Variants in STAT5B observed in about 807,000 individuals in gnomAD.
The protein encoded by STAT5B is signal transducer and activator of transcription 5B.
In STAT5B, 21 loss-of-function variants were observed where a neutral mutation model predicts 107.8. The observed-to-expected ratio is 0.19, with a 90% CI of 0.14 to 0.28. The LOEUF (loss-of-function observed/expected upper bound fraction) is 0.28. Among genes scored for constraint, STAT5B ranks in the 10% least tolerant of loss-of-function variants. The probability of loss-of-function intolerance (pLI) is 1.00; values close to 1 mark genes in which losing one functional copy is unlikely to be tolerated. For missense variants in STAT5B, 565 were observed against 1,008.2 expected (o/e 0.56, Z 5.95); for synonymous variants, 325 against 401.7 (o/e 0.81, Z 2.28).
chr17:42,203,027 C>T, intron 16 of STAT5B: 1 of 601,222 alleles, frequency 1.7e-6, no homozygotes, highest in Non-Finnish European at 3.0e-6. Flanking sequence ...ACTGCAGCCT[C>T]CGCCTCCCAG....
intron 1 of STAT5B, among the ~76,000 whole-genome samples, chr17:42,265,146 C>A (rs958166985): frequency 2.0e-5 from 3 of 147,888 alleles, no homozygotes; most frequent in Non-Finnish European, 4.5e-5. Flanking sequence ...AATTTTCTCC[C>A]ATTTTGTAGG....
intron 16 of STAT5B, among the ~76,000 whole-genome samples, chr17:42,203,675 G>A (rs987947963): frequency 3.3e-5 from 5 of 151,986 alleles, no homozygotes; most frequent in Non-Finnish European, 7.4e-5. Flanking sequence ...TGCCCACACT[G>A]GAGTGCAGTG....
At chr17:42,210,129 G>C in intron 15 of STAT5B, 42 bp downstream of exon 15, 1 of 1,613,914 alleles carries the variant, frequency 6.2e-7, no homozygotes, top group Non-Finnish European at 8.5e-7. Context: ...ATTTTGTAAC[G>C]AAAGCAGCTA....
At chr17:42,216,553 G>C (rs2080173925) in intron 11 of STAT5B, among the ~76,000 whole-genome samples, 1 of 151,716 alleles carries the variant, frequency 6.6e-6, no homozygotes, top group East Asian at 1.9e-4. Flanking sequence ...TTAATTTGTT[G>C]TTGTTGTTGA....
intron 1 of STAT5B, among the ~76,000 whole-genome samples, chr17:42,253,467 C>G (rs145080764): frequency 5.3e-5 from 8 of 152,240 alleles, no homozygotes; most frequent in Admixed American, 3.9e-4. Context: ...CTATTTGTGA[C>G]TAGTAAACTT....
chr17:42,202,512 G>A, intron 17 of STAT5B, 65 bp from the exon 18 acceptor site: 1 of 1,562,596 alleles, frequency 6.4e-7, no homozygotes, highest in Non-Finnish European at 8.8e-7. Flanking sequence ...TTGGGGAGGG[G>A]ACCAAGGGGT....
rs1340562786 is a variant in STAT5B, at chr17:42,223,471, A to C, written c.461T>G (p.Val154Gly). The C allele has an allele frequency of 1.9e-6, 3 of 1,613,966 alleles. No individual in the cohort carries two copies. The highest frequency in any genetic ancestry group is 2.5e-6 in the Non-Finnish European group (3 of 1,180,028). Residue 154 changes from valine (V) to glycine (G), a missense_variant, in exon 5 of 19, where the codon GTC becomes GGC. Coordinates refer to ENST00000293328, the MANE Select transcript of STAT5B (RefSeq NM_012448.4). ...TAACTCATTCTCTGTGTCCTGCGTGACCAGTCGCAGCTCCTCAAACGTCTG... is the reference window on the plus strand; with the variant it reads ...TAACTCATTCTCTGTGTCCTGCGTGCCCAGTCGCAGCTCCTCAAACGTCTG... The part of the protein sequence containing the change: ...INQTFEELRL[V>G]TQDTENELKK...
chr17:42,287,198 C>CT, the STAT5B span, among the ~76,000 whole-genome samples: 7,348 of 144,128 alleles, frequency 0.051, 582 homozygotes, highest in African/African-American at 0.17. Flanking sequence ...CTTTGAAGTT[C>CT]TTTTTTTTTT....
intron 8 of STAT5B, 145 bp from the exon 9 acceptor site, chr17:42,218,475 C>T (rs2080193492): frequency 7.7e-6 from 11 of 1,420,524 alleles, no homozygotes; most frequent in East Asian, 2.3e-5. Flanking sequence ...CTGGGGAAGC[C>T]GTGAGAGTCC....
At chr17:42,225,212 G>C (rs1177402145) in intron 3 of STAT5B, among the ~76,000 whole-genome samples, 2 of 151,960 alleles carry the variant, frequency 1.3e-5, no homozygotes, top group East Asian at 3.9e-4. Context: ...CCGCCACCAC[G>C]CCTGGCTAAT....
At chr17:42,209,925 A>G (rs1225307764) in intron 15 of STAT5B, among the ~76,000 whole-genome samples, 1 of 152,240 alleles carries the variant, frequency 6.6e-6, no homozygotes, top group Non-Finnish European at 1.5e-5. Context: ...TAGCCATGTC[A>G]TGGTTAAATG....
intron 15 of STAT5B, among the ~76,000 whole-genome samples, chr17:42,208,347 A>C (rs2144212985): frequency 6.6e-6 from 1 of 152,000 alleles, no homozygotes; most frequent in Middle Eastern, 3.4e-3. Flanking sequence ...TAAAAATACA[A>C]AAATCAGCCA....
intron 16 of STAT5B, among the ~76,000 whole-genome samples, chr17:42,205,192 T>C (rs543977610): frequency 1.9e-4 from 29 of 152,028 alleles, no homozygotes; most frequent in African/African-American, 7.0e-4. Context: ...CATGCCCGGC[T>C]AATTTTTGTA....
chr17:42,278,041 C>T (rs1364402147), upstream of STAT5B, among the ~76,000 whole-genome samples: 1 of 152,180 alleles, frequency 6.6e-6, no homozygotes, highest in African/African-American at 2.4e-5. Context: ...CAGGCATCAG[C>T]CACCGCACCT....
At chr17:42,246,338 TA>T (rs2080451369) in intron 1 of STAT5B, among the ~76,000 whole-genome samples, 2 of 152,198 alleles carry the variant, frequency 1.3e-5, no homozygotes, top group African/African-American at 2.4e-5. Flanking sequence ...TTCAGAATTA[TA>T]AAAAAATTTT....
chr17:42,246,479 CTGTT>C (rs1160181777), intron 1 of STAT5B, among the ~76,000 whole-genome samples: 1 of 151,986 alleles, frequency 6.6e-6, no homozygotes, highest in Non-Finnish European at 1.5e-5. Flanking sequence ...TGATTTAAGA[CTGTT>C]AATAGCAGAT....
chr17:42,218,525 T>C (rs532187463), intron 8 of STAT5B, among the ~76,000 whole-genome samples, 195 bp from the exon 9 acceptor site: 1 of 151,986 alleles, frequency 6.6e-6, no homozygotes, highest in South Asian at 2.1e-4. Flanking sequence ...ACACAGAAGC[T>C]GGCATGGGCT....
rs535897900 is a variant in STAT5B at position 42,240,562 on chromosome 17, A to G, written c.-10-8425T>C. On this transcript the variant is annotated intron_variant, in intron 1 of 18. Transcript: ENST00000293328. Reference sequence around the variant, plus strand: ...GATGATGAAAATGTTCCGGAATTAGATAGTGGTGATAATTGTATAACTCTG... The same window carrying G: ...GATGATGAAAATGTTCCGGAATTAGGTAGTGGTGATAATTGTATAACTCTG... Among the ~76,000 whole-genome samples, 16 of 152,280 alleles carry G rather than the reference A, an allele frequency of 1.1e-4. No individual in the cohort carries two copies. The South Asian group carries it at 2.9e-3, about 28-fold the overall frequency.
At chr17:42,222,013 T>C (rs1377969268) in intron 5 of STAT5B, among the ~76,000 whole-genome samples, 4 of 137,786 alleles carry the variant, frequency 2.9e-5, no homozygotes, top group Admixed American at 7.2e-5. Context: ...GTGTGCTGTG[T>C]GTGGTGTGGT....
Sources: allele counts gnomAD v4.1 joint callset (sites outside exome capture counted in the v4.1 genomes callset), GRCh38; gene constraint gnomAD v4.1.1; transcripts MANE v1.5; gene names NCBI Gene and HGNC (gene_info 2026-07-23, HGNC 2026-07-21).